DGKB: variants seen among roughly 807,000 people sequenced by gnomAD.
DGKB encodes the protein diacylglycerol kinase beta.
DGKB carries 67 observed loss-of-function variants against 114.3 expected under a neutral mutation model. The observed-to-expected ratio is 0.59, with a 90% CI of 0.48 to 0.72. The LOEUF is 0.72. DGKB is among the 30% of genes least tolerant of loss of function. The pLI is 0.00. For missense variants in DGKB, 907 were observed against 975.2 expected (o/e 0.93, Z 0.93); for synonymous variants, 398 against 323.1 (o/e 1.23, Z -2.49).
At chr7:14,746,492 A>C (rs1032397570) in intron 4 of DGKB, among the ~76,000 whole-genome samples, 2 of 151,888 alleles carry the variant, frequency 1.3e-5, no homozygotes, top group Non-Finnish European at 2.9e-5. Context: ...AGTTACTTTA[A>C]TTTTCCTTTT....
At chr7:14,375,688 C>T (rs568005289) in intron 21 of DGKB, among the ~76,000 whole-genome samples, 5 of 152,144 alleles carry the variant, frequency 3.3e-5, no homozygotes, top group African/African-American at 7.2e-5. Flanking sequence ...AAATAGATGC[C>T]TCACGCTGGC....
intron 1 of DGKB, among the ~76,000 whole-genome samples, chr7:14,929,086 A>G (rs1784880906): frequency 6.6e-6 from 1 of 151,370 alleles, no homozygotes; most frequent in African/African-American, 2.4e-5. Flanking sequence ...TATACAGTCT[A>G]GTACTACATT....
chr7:14,875,498 A>G (rs1408390219), intron 1 of DGKB, among the ~76,000 whole-genome samples: 1 of 152,192 alleles, frequency 6.6e-6, no homozygotes, highest in Non-Finnish European at 1.5e-5. Flanking sequence ...TGCCTGTGTC[A>G]AGCATAATAT....
intron 21 of DGKB, among the ~76,000 whole-genome samples, chr7:14,379,775 G>T (rs1819104952): frequency 6.6e-6 from 1 of 152,166 alleles, no homozygotes; most frequent in South Asian, 2.1e-4. Context: ...AGCGAGGATG[G>T]TCTTGATCTC....
chr7:14,156,513 T>G (rs1317564729), intron 25 of DGKB, among the ~76,000 whole-genome samples: 1 of 152,166 alleles, frequency 6.6e-6, no homozygotes, highest in Non-Finnish European at 1.5e-5. Flanking sequence ...TAATTTTAAT[T>G]CCATATAATT....
intron 1 of DGKB, among the ~76,000 whole-genome samples, chr7:14,879,475 G>T (rs967333171): frequency 6.6e-6 from 1 of 152,070 alleles, no homozygotes; most frequent in African/African-American, 2.4e-5. Flanking sequence ...ATCTTGTCAG[G>T]CTCTCTTAAA....
At chr7:14,741,834 A>C (rs77580547) in intron 4 of DGKB, among the ~76,000 whole-genome samples, 5 of 152,190 alleles carry the variant, frequency 3.3e-5, no homozygotes, top group Admixed American at 6.5e-5. Context: ...GGCATGGCTA[A>C]AGTTGGGTAG....
chr7:14,896,433 T>C (rs990602507), intron 1 of DGKB, among the ~76,000 whole-genome samples: 3 of 151,578 alleles, frequency 2.0e-5, no homozygotes, highest in African/African-American at 7.3e-5. Context: ...TCTTACAAAG[T>C]GTTTATAATA....
In DGKB at chr7:14,689,281, C is replaced by T. The variant is rs182600659; in HGVS notation, c.712-3919G>A. 7.8e-4 allele frequency among the ~76,000 whole-genome samples: 110 copies of T among 141,156 alleles called. No individual in the cohort carries two copies. In the East Asian group the frequency reaches 0.019, roughly 24 times the overall value. The allele number at this position is 141,156 out of a possible 152,430, so 92.6% of individuals were successfully genotyped here. On this transcript the variant is annotated intron_variant, in intron 9 of 25. Coordinates refer to ENST00000402815, the MANE Select transcript of DGKB (RefSeq NM_001350709.2). ...AGGGCAGTGGCGCGATCTCGGCTCA[C>T]TGCAAGCTCCGCCTCCCGGGTTCGT...
chr7:14,921,197 A>G (rs141738245), intron 1 of DGKB, among the ~76,000 whole-genome samples: 6 of 152,246 alleles, frequency 3.9e-5, no homozygotes, highest in African/African-American at 1.4e-4. Context: ...TGAGTAGGTG[A>G]GATTTTTAGG....
intron 2 of DGKB, among the ~76,000 whole-genome samples, chr7:14,833,103 C>T (rs1411551249): frequency 3.9e-5 from 6 of 152,004 alleles, no homozygotes; most frequent in Non-Finnish European, 7.4e-5. Flanking sequence ...TGATTGAATT[C>T]GGTTCATTCT....
intron 23 of DGKB, among the ~76,000 whole-genome samples, chr7:14,306,936 C>T (rs1804577956): frequency 6.6e-6 from 1 of 152,116 alleles, no homozygotes; most frequent in African/African-American, 2.4e-5. Flanking sequence ...TAATTTGTTC[C>T]TGTTCTTCAG....
intron 20 of DGKB, among the ~76,000 whole-genome samples, chr7:14,514,108 T>C (rs1788400027): frequency 2.0e-5 from 3 of 152,094 alleles, no homozygotes; most frequent in South Asian, 4.1e-4. Context: ...ACTTGAGAAC[T>C]GATTTGATTT....
At chr7:14,796,400 G>C (rs190293369) in intron 2 of DGKB, among the ~76,000 whole-genome samples, 4 of 152,214 alleles carry the variant, frequency 2.6e-5, no homozygotes, top group Non-Finnish European at 5.9e-5. Flanking sequence ...CACTTGATTG[G>C]TGCCAAAACT....
At chr7:14,410,737 T>G (rs1467223993) in intron 21 of DGKB, among the ~76,000 whole-genome samples, 2 of 152,054 alleles carry the variant, frequency 1.3e-5, no homozygotes, top group African/African-American at 4.8e-5. Flanking sequence ...ATAAATATCT[T>G]TAAGATAAAA....
At chr7:14,749,460 A>T (rs1298928665) in intron 4 of DGKB, among the ~76,000 whole-genome samples, 1 of 152,196 alleles carries the variant, frequency 6.6e-6, no homozygotes, top group Non-Finnish European at 1.5e-5. Flanking sequence ...GTAGAAAGAC[A>T]ATTAGAAATA....
At chr7:14,734,006 T>C (rs1015065351) in intron 5 of DGKB, among the ~76,000 whole-genome samples, 4 of 145,620 alleles carry the variant, frequency 2.7e-5, no homozygotes, top group African/African-American at 1.1e-4. Flanking sequence ...ATTGAACTTA[T>C]CTCTATACCA....
intron 23 of DGKB, among the ~76,000 whole-genome samples, chr7:14,227,637 T>C (rs1422002550): frequency 6.6e-6 from 1 of 152,008 alleles, no homozygotes; most frequent in African/African-American, 2.4e-5. Context: ...GGCAGCAATC[T>C]TGTTTATTGG....
At chr7:14,260,445 G>A (rs2128411004) in intron 23 of DGKB, among the ~76,000 whole-genome samples, 1 of 152,252 alleles carries the variant, frequency 6.6e-6, no homozygotes, top group South Asian at 2.1e-4. Context: ...ATCAAACCCT[G>A]CTGCTGATCA....
Sources: gnomAD v4.1 joint callset for allele counts (sites outside exome capture counted in the v4.1 genomes callset) on GRCh38, gnomAD v4.1.1 for gene constraint, MANE v1.5 for transcripts, NCBI Gene and HGNC (gene_info 2026-07-23, HGNC 2026-07-21) for gene names.